AKAP13: variants seen among roughly 807,000 people sequenced by gnomAD.
The protein encoded by AKAP13 is A-kinase anchoring protein 13.
AKAP13 carries 80 observed loss-of-function variants against 264.5 expected under a neutral mutation model. The observed-to-expected ratio is 0.30, with a 90% CI of 0.25 to 0.36. The LOEUF is 0.36. Ranked by LOEUF, AKAP13 falls within the 10% of genes least tolerant of loss-of-function variation. AKAP13 has a pLI of 1.00. For synonymous variants in AKAP13, 1,380 were observed against 1,250.2 expected (o/e 1.10, Z -2.19); for missense variants, 3,712 against 3,435.2 (o/e 1.08, Z -2.01).
Position 85,693,388 on chromosome 15 carries a change from G to C in AKAP13, c.5401G>C (p.Gly1801Arg). Residue 1801 changes from glycine to arginine, a missense_variant, in exon 17 of 37, where the codon GGT becomes CGT. This residue lies in a region of AKAP13 where 2,759 missense variants were observed against 2,411.7 expected (regional missense o/e 1.14). Coordinates refer to ENST00000394518, the MANE Select transcript of AKAP13 (RefSeq NM_007200.5). ...GHTFSSIPVV[G>R]PISCSQCMKP... ...CACTTTCAGTTCCATTCCTGTTGTG[G>C]GTCCCATCAGCTGTAGCCAGTGTAT... 1 of 1,613,834 alleles carries C rather than the reference G, an allele frequency of 6.2e-7. No individual in the cohort carries two copies. Among genetic ancestry groups the C allele is most frequent in the South Asian group, 1.1e-5 (1 of 91,002 alleles).
chr15:85,737,701 G>T lies in AKAP13; in HGVS notation c.7557+1567G>T, dbSNP rs2088642696. The stretch of plus-strand genomic sequence containing the variant: ...TACTTGCTCTCTGGATCTGCTGCTT[G>T]AAATTAGCTCACAGCAGCTTCCACG... On this transcript the variant is annotated intron_variant, in intron 33 of 36. Coordinates refer to ENST00000394518, the MANE Select transcript of AKAP13 (RefSeq NM_007200.5). Among the ~76,000 whole-genome samples the T allele has an allele frequency of 2.0e-5, 3 of 152,132 alleles. No homozygotes were observed. The South Asian group carries it at 6.2e-4, about 32-fold the overall frequency.
chr15:85,537,583 A>C (rs542584351), intron 4 of AKAP13, among the ~76,000 whole-genome samples: 1 of 152,326 alleles, frequency 6.6e-6, no homozygotes, highest in African/African-American at 2.4e-5. Flanking sequence ...ACATATGATA[A>C]ATTTCTTAAG....
chr15:85,560,481 A>G (rs1361543943), intron 5 of AKAP13, among the ~76,000 whole-genome samples: 1 of 152,170 alleles, frequency 6.6e-6, no homozygotes, highest in African/African-American at 2.4e-5. Flanking sequence ...GTTGTACATA[A>G]TAATATTCAT....
chr15:85,571,098 A>G (rs1284167535), intron 5 of AKAP13, among the ~76,000 whole-genome samples: 2 of 152,172 alleles, frequency 1.3e-5, no homozygotes, highest in Non-Finnish European at 2.9e-5. Context: ...ATAAACTTTA[A>G]TCCCAGTGGG....
At chr15:85,560,712 T>A (rs1377205506) in intron 5 of AKAP13, among the ~76,000 whole-genome samples, 1 of 152,192 alleles carries the variant, frequency 6.6e-6, no homozygotes, top group African/African-American at 2.4e-5. Flanking sequence ...TTCTGATTTT[T>A]AAAAAAATTA....
intron 8 of AKAP13, among the ~76,000 whole-genome samples, chr15:85,626,992 C>T (rs1398377484): frequency 6.6e-6 from 1 of 152,070 alleles, no homozygotes; most frequent in African/African-American, 2.4e-5. Flanking sequence ...ATTTGCATTT[C>T]CCTAATGCAC....
intron 12 of AKAP13, among the ~76,000 whole-genome samples, chr15:85,661,375 A>G (rs1271405274): frequency 6.6e-6 from 1 of 152,224 alleles, no homozygotes. Context: ...CAAACTTGAA[A>G]TTAAAAAGAT....
At chr15:85,417,304 CTT>C (rs1263902249) in intron 1 of AKAP13, among the ~76,000 whole-genome samples, 1 of 152,156 alleles carries the variant, frequency 6.6e-6, no homozygotes. Context: ...GGATGGGTGA[CTT>C]CACTGCTTTT....
rs2061823 is a variant in AKAP13 at position 85,579,685 on chromosome 15, T to C, written c.1617T>C (p.Ala539=). The change falls in exon 7 of 37, where the codon GCT becomes GCC. Residue 539 remains alanine (A), a synonymous_variant. Coordinates refer to ENST00000394518, the MANE Select transcript of AKAP13 (RefSeq NM_007200.5). ...DKISVPNCAP[A]ASSLDGNKPA... is the part of the protein sequence containing the mutation. ...TCAGTGTTCCAAACTGTGCCCCTGC[T>C]GCCAGTTCCCTGGATGGTAACAAAC... 1,018,366 of 1,613,894 alleles carry C rather than the reference T, an allele frequency of 0.63. 322,862 individuals carry two copies. The highest frequency in any genetic ancestry group is 0.69 in the Middle Eastern group (4,183 of 6,062).
chr15:85,634,247 C>T (rs1596817092), intron 8 of AKAP13, among the ~76,000 whole-genome samples: 1 of 152,308 alleles, frequency 6.6e-6, no homozygotes, highest in Non-Finnish European at 1.5e-5. Flanking sequence ...CAAAATGTCT[C>T]TAGCTTTCTG....
At chr15:85,507,383 CAA>C (rs35886054) in intron 2 of AKAP13, among the ~76,000 whole-genome samples, 4 of 137,686 alleles carry the variant, frequency 2.9e-5, no homozygotes, top group East Asian at 2.2e-4. Context: ...TTTGTGCTAC[CAA>C]AAAAAAAAAA....
intron 8 of AKAP13, among the ~76,000 whole-genome samples, chr15:85,592,046 CTTTTTTTTTTT>C (rs386383662): frequency 1.9e-5 from 2 of 105,270 alleles, no homozygotes; most frequent in African/African-American, 7.2e-5. Context: ...GAACCATGAT[CTTTTTTTTTTT>C]TTTTTTTTTT....
chr15:85,402,052 C>A (rs1183577387), intron 1 of AKAP13, among the ~76,000 whole-genome samples: 1 of 152,174 alleles, frequency 6.6e-6, no homozygotes, highest in Non-Finnish European at 1.5e-5. Flanking sequence ...GGGCAAGTTG[C>A]TTAGCCCACT....
rs113325400 is a variant in AKAP13, at chr15:85,380,762, C to T, written c.-48C>T. On this transcript the variant is annotated 5_prime_UTR_variant, in exon 1 of 37. Transcript: ENST00000394518. ...TCCGCGGCGAAGGTGAAGAGTTGTC[C>T]CAGCTCGGCCCGCGGGGGAGCCCCG... 6.8e-4 allele frequency: 104 copies of T among 152,738 alleles called. No homozygotes were observed. The highest frequency in any genetic ancestry group is 6.8e-3 in the Middle Eastern group (2 of 294). The allele number at this position is 152,738 out of a possible 1,614,324, so 9.5% of individuals were successfully genotyped here.
chr15:85,661,717 G>A (rs943218601), intron 12 of AKAP13, among the ~76,000 whole-genome samples: 6 of 151,942 alleles, frequency 3.9e-5, no homozygotes, highest in African/African-American at 9.7e-5. Flanking sequence ...GTGAAACTCC[G>A]TCTTGGGGGG....
chr15:85,620,355 T>C (rs1276165204), intron 8 of AKAP13, among the ~76,000 whole-genome samples: 1 of 152,192 alleles, frequency 6.6e-6, no homozygotes, highest in Non-Finnish European at 1.5e-5. Flanking sequence ...CAATAGGTGC[T>C]TGGTAATCAG....
chr15:85,407,010 GA>G, intron 1 of AKAP13, among the ~76,000 whole-genome samples: 1 of 151,678 alleles, frequency 6.6e-6, no homozygotes, highest in Non-Finnish European at 1.5e-5. Flanking sequence ...TTACAAAACA[GA>G]AATAATATAT....
intron 4 of AKAP13, among the ~76,000 whole-genome samples, chr15:85,538,827 A>T (rs563341526): frequency 1.2e-4 from 17 of 141,398 alleles, no homozygotes; most frequent in African/African-American, 4.4e-4. Context: ...TAGCTACATT[A>T]GTGTTTGTGT....
At chr15:85,540,720 A>G (rs771527006) in intron 4 of AKAP13, among the ~76,000 whole-genome samples, 23 of 152,240 alleles carry the variant, frequency 1.5e-4, no homozygotes, top group Admixed American at 1.0e-3. Flanking sequence ...CTAAATTCAT[A>G]TATTCGTTTA....
Sources: gnomAD v4.1 joint callset for allele counts (sites outside exome capture counted in the v4.1 genomes callset) on GRCh38, gnomAD v4.1.1 for gene constraint, gnomAD v4.1.1 regional missense constraint, MANE v1.5 for transcripts, NCBI Gene and HGNC (gene_info 2026-07-23, HGNC 2026-07-21) for gene names.